The following CCBE1 variants were observed in gnomAD, a reference collection of about 807,000 sequenced individuals.
CCBE1 encodes the protein collagen and calcium-binding EGF domain-containing protein 1.
Under a neutral mutation model 50.0 loss-of-function variants are expected in CCBE1, and 37 were observed. The ratio of observed to expected loss-of-function variants is 0.74; its 90% confidence interval spans 0.57 to 0.97. The LOEUF is 0.97. Ranked by LOEUF, CCBE1 falls within the 50% of genes least tolerant of loss-of-function variation. The pLI, the probability that CCBE1 is intolerant of heterozygous loss-of-function variation, is 0.00. For missense variants in CCBE1, 538 were observed against 523.8 expected (o/e 1.03, Z -0.26); for synonymous variants, 234 against 203.7 (o/e 1.15, Z -1.27).
intron 2 of CCBE1, among the ~76,000 whole-genome samples, chr18:59,552,512 G>A (rs1422107169): frequency 1.3e-5 from 2 of 152,290 alleles, no homozygotes; most frequent in Admixed American, 6.5e-5. Flanking sequence ...AGCACCTGGA[G>A]CCAACCCAAC....
rs530402635 is a variant in CCBE1 at position 59,557,321 on chromosome 18, C to T, written c.213-77083G>A. On this transcript the variant is annotated intron_variant, in intron 2 of 10. Coordinates refer to ENST00000439986, the MANE Select transcript of CCBE1 (RefSeq NM_133459.4). Reference sequence around the variant, plus strand: ...ATACCAGCCCTGCTGATTTGAGGGTCGGCACCCACACAACTGCATGAGCAT... The same window carrying T: ...ATACCAGCCCTGCTGATTTGAGGGTTGGCACCCACACAACTGCATGAGCAT... Among the ~76,000 whole-genome samples, 44 of 152,222 alleles carry T rather than the reference C, an allele frequency of 2.9e-4. 1 individual carries two copies. The highest frequency in any genetic ancestry group is 1.0e-3 in the African/African-American group (43 of 41,544).
chr18:59,696,266 T>C (rs1249145172), intron 2 of CCBE1, among the ~76,000 whole-genome samples: 1 of 152,180 alleles, frequency 6.6e-6, no homozygotes, highest in East Asian at 1.9e-4. Context: ...TTGTTGACGC[T>C]GTACTTTCAA....
rs113767191 is a variant in CCBE1, at chr18:59,487,449, A to G, written c.213-7211T>C. 5.9e-3 allele frequency among the ~76,000 whole-genome samples: 896 copies of G among 150,666 alleles called. 5 individuals are homozygous for G. The highest frequency in any genetic ancestry group is 0.02 in the African/African-American group (843 of 41,466). ...TGCATGACTTTGTGTGAACTACTAG[A>G]ATTCCTTTTACACTACATCCCCCAA... On this transcript the variant is annotated intron_variant, in intron 2 of 10. Transcript: ENST00000439986.
intron 2 of CCBE1, among the ~76,000 whole-genome samples, chr18:59,680,752 A>G (rs2054578707): frequency 6.6e-6 from 1 of 152,084 alleles, no homozygotes; most frequent in Non-Finnish European, 1.5e-5. Context: ...TGAAGAAACA[A>G]CAGCTGCAGT....
chr18:59,457,370 G>T (rs192548700), intron 5 of CCBE1, among the ~76,000 whole-genome samples: 1 of 152,166 alleles, frequency 6.6e-6, no homozygotes, highest in African/African-American at 2.4e-5. Context: ...ACTGTTCTGG[G>T]TGCAGGTCCC....
At chr18:59,522,718 A>G (rs553590550) in intron 2 of CCBE1, among the ~76,000 whole-genome samples, 26 of 152,274 alleles carry the variant, frequency 1.7e-4, no homozygotes, top group Non-Finnish European at 3.5e-4. Flanking sequence ...GGCCGGGCGC[A>G]GTGGCTCACG....
chr18:59,626,068 C>A (rs2053780542), intron 2 of CCBE1, among the ~76,000 whole-genome samples: 1 of 152,096 alleles, frequency 6.6e-6, no homozygotes, highest in African/African-American at 2.4e-5. Flanking sequence ...ATCCTGGGGG[C>A]TAAAAATGCT....
At chr18:59,696,327 T>G (rs1007353965) in intron 2 of CCBE1, 3 of 530,610 alleles carry the variant, frequency 5.7e-6, no homozygotes, top group Non-Finnish European at 9.5e-6. Flanking sequence ...TGCCCCACTG[T>G]TTACACCCAA....
chr18:59,633,188 A>G (rs571877993), intron 2 of CCBE1, among the ~76,000 whole-genome samples: 1 of 152,344 alleles, frequency 6.6e-6, no homozygotes, highest in South Asian at 2.1e-4. Flanking sequence ...GAAGCAGTGA[A>G]GCACCACACA....
intron 2 of CCBE1, among the ~76,000 whole-genome samples, chr18:59,605,479 T>C (rs1487242867): frequency 6.6e-6 from 1 of 152,194 alleles, no homozygotes; most frequent in African/African-American, 2.4e-5. Context: ...TCATGCCAAG[T>C]GAGCCTGAAA....
At chr18:59,672,268 G>A (rs2054441901) in intron 2 of CCBE1, among the ~76,000 whole-genome samples, 3 of 152,126 alleles carry the variant, frequency 2.0e-5, no homozygotes, top group Admixed American at 1.3e-4. Flanking sequence ...AGTGGTAGAT[G>A]GTAACTTGCC....
At chr18:59,452,497 G>C (rs932239789) in intron 6 of CCBE1, among the ~76,000 whole-genome samples, 1 of 152,192 alleles carries the variant, frequency 6.6e-6, no homozygotes, top group Non-Finnish European at 1.5e-5. Context: ...GGGAGGCTGA[G>C]GCAGAGAATT....
intron 2 of CCBE1, among the ~76,000 whole-genome samples, chr18:59,668,878 G>A (rs1267269413): frequency 6.9e-6 from 1 of 145,350 alleles, no homozygotes; most frequent in Non-Finnish European, 1.5e-5. Context: ...AGGCTGGAGT[G>A]CAGTGATGTG....
chr18:59,536,793 T>A (rs1485219635), intron 2 of CCBE1, among the ~76,000 whole-genome samples: 1 of 151,946 alleles, frequency 6.6e-6, no homozygotes, highest in African/African-American at 2.4e-5. Context: ...ATGGAGACCA[T>A]CCTGGCCAAC....
chr18:59,448,408 T>C (rs187146618), intron 6 of CCBE1, among the ~76,000 whole-genome samples: 1 of 152,272 alleles, frequency 6.6e-6, no homozygotes, highest in Non-Finnish European at 1.5e-5. Flanking sequence ...TTTCATACTC[T>C]CAATTTTTCA....
intron 2 of CCBE1, among the ~76,000 whole-genome samples, chr18:59,562,634 C>T (rs1486878028): frequency 6.6e-6 from 1 of 152,210 alleles, no homozygotes; most frequent in Non-Finnish European, 1.5e-5. Flanking sequence ...GGTGTTTTTC[C>T]CATCCACACA....
At chr18:59,603,886 C>T (rs2053463026) in intron 2 of CCBE1, among the ~76,000 whole-genome samples, 1 of 152,198 alleles carries the variant, frequency 6.6e-6, no homozygotes, top group African/African-American at 2.4e-5. Flanking sequence ...CTGACCTCCT[C>T]AGGCCGAAAG....
At chr18:59,633,492 G>A (rs2053876807) in intron 2 of CCBE1, among the ~76,000 whole-genome samples, 1 of 152,088 alleles carries the variant, frequency 6.6e-6, no homozygotes. Flanking sequence ...TTGCTATTGC[G>A]CTCGGGCCCA....
intron 2 of CCBE1, among the ~76,000 whole-genome samples, chr18:59,582,050 G>A (rs1347299081): frequency 6.6e-6 from 1 of 151,992 alleles, no homozygotes; most frequent in Non-Finnish European, 1.5e-5. Flanking sequence ...CAGGTACAGG[G>A]CTCCTGTTCT....
Sources: allele counts gnomAD v4.1 joint callset (sites outside exome capture counted in the v4.1 genomes callset), GRCh38; gene constraint gnomAD v4.1.1; transcripts MANE v1.5; gene names NCBI Gene and HGNC (gene_info 2026-07-23, HGNC 2026-07-21).